CSMD1: variants seen among roughly 807,000 people sequenced by gnomAD.
CSMD1 encodes CUB and Sushi multiple domains 1.
A neutral mutation model predicts 417.5 loss-of-function variants in CSMD1; 213 were observed. The observed-to-expected ratio is 0.51, with a 90% CI of 0.46 to 0.57. CSMD1 has a LOEUF of 0.57. Ranked by LOEUF, CSMD1 falls within the 20% of genes least tolerant of loss-of-function variation. The pLI, the probability that CSMD1 is intolerant of heterozygous loss-of-function variation, is 0.00. For missense variants in CSMD1, 6,923 were observed against 4,529.7 expected (o/e 1.53, Z -15.17); for synonymous variants, 2,862 against 1,736.8 (o/e 1.65, Z -16.11).
chr8:4,145,185 C>A (rs1007209424), intron 3 of CSMD1, among the ~76,000 whole-genome samples: 1 of 151,022 alleles, frequency 6.6e-6, no homozygotes, highest in Non-Finnish European at 1.5e-5. Flanking sequence ...ATTACTAAAA[C>A]ACTAGTACGT....
intron 1 of CSMD1, among the ~76,000 whole-genome samples, chr8:4,663,113 G>T (rs1804704629): frequency 6.6e-6 from 1 of 152,156 alleles, no homozygotes; most frequent in African/African-American, 2.4e-5. Flanking sequence ...GATCACGTGG[G>T]CTTAGGACGC....
intron 3 of CSMD1, among the ~76,000 whole-genome samples, chr8:4,052,116 G>A (rs926576229): frequency 5.3e-5 from 8 of 151,898 alleles, no homozygotes; most frequent in South Asian, 2.1e-4. Flanking sequence ...ATAGAGACAG[G>A]GTTTCACCAT....
At chr8:3,898,466 G>T in intron 5 of CSMD1, among the ~76,000 whole-genome samples, 1 of 152,174 alleles carries the variant, frequency 6.6e-6, no homozygotes, top group East Asian at 1.9e-4. Context: ...TAATATTATG[G>T]ATGTCGCATC....
chr8:3,402,273 C>A (rs374631244), intron 15 of CSMD1, among the ~76,000 whole-genome samples: 1 of 151,554 alleles, frequency 6.6e-6, no homozygotes, highest in South Asian at 2.1e-4. Flanking sequence ...TTTTTCAATT[C>A]TTTTCTATGC....
At chr8:3,633,606 G>C (rs1310305932) in intron 7 of CSMD1, among the ~76,000 whole-genome samples, 4 of 152,092 alleles carry the variant, frequency 2.6e-5, no homozygotes, top group African/African-American at 4.8e-5. Flanking sequence ...AATTTGAAAG[G>C]ATAAATTAAT....
intron 11 of CSMD1, among the ~76,000 whole-genome samples, chr8:3,472,548 C>T (rs539916218): frequency 6.6e-6 from 1 of 152,152 alleles, no homozygotes; most frequent in East Asian, 1.9e-4. Context: ...TGTATGTGTG[C>T]ACAAGAAAGA....
chr8:4,215,203 C>T (rs531367765), intron 3 of CSMD1, among the ~76,000 whole-genome samples: 1 of 152,180 alleles, frequency 6.6e-6, no homozygotes, highest in Non-Finnish European at 1.5e-5. Context: ...AAAGGCTTAA[C>T]CAGCTGCGAC....
chr8:2,938,066 T>C lies in CSMD1; in HGVS notation c.*519A>G, dbSNP rs1043781034. On this transcript the variant is annotated 3_prime_UTR_variant, in exon 70 of 70. Coordinates refer to ENST00000635120, the MANE Select transcript of CSMD1 (RefSeq NM_033225.6). The stretch of plus-strand genomic sequence containing the variant: ...GTCTCGGAAGGACAGAGTGAAGCAT[T>C]TGTAGGTGTGAGCCTCTATCAGAAA... 4.6e-5 allele frequency: 7 copies of C among 152,650 alleles called. No homozygotes were observed. The highest frequency in any genetic ancestry group is 1.4e-4 in the African/African-American group (6 of 41,420). 9.5% of individuals were successfully genotyped at this position (152,650 alleles called of 1,614,324 possible).
intron 10 of CSMD1, among the ~76,000 whole-genome samples, chr8:3,556,820 C>G (rs888405450): frequency 2.0e-5 from 3 of 152,174 alleles, no homozygotes; most frequent in Non-Finnish European, 2.9e-5. Context: ...GTGGATGCCC[C>G]TCTCCCTTCA....
At chr8:3,798,992 C>A (rs1170039945) in intron 5 of CSMD1, among the ~76,000 whole-genome samples, 2 of 151,722 alleles carry the variant, frequency 1.3e-5, no homozygotes, top group African/African-American at 4.8e-5. Context: ...AATAAATATG[C>A]CATATAAATG....
chr8:3,213,548 T>C (rs1302274533), intron 30 of CSMD1, among the ~76,000 whole-genome samples: 1 of 152,092 alleles, frequency 6.6e-6, no homozygotes, highest in Non-Finnish European at 1.5e-5. Flanking sequence ...GATTCAACGA[T>C]TTTACTAATT....
chr8:3,268,641 A>C (rs1801614065), intron 26 of CSMD1, among the ~76,000 whole-genome samples: 1 of 152,080 alleles, frequency 6.6e-6, no homozygotes, highest in East Asian at 1.9e-4. Flanking sequence ...TGTTCTCATT[A>C]CTGAAACAAT....
intron 26 of CSMD1, among the ~76,000 whole-genome samples, chr8:3,253,226 G>T (rs1196153642): frequency 6.6e-6 from 1 of 151,820 alleles, no homozygotes; most frequent in Non-Finnish European, 1.5e-5. Context: ...CTGGTATGTT[G>T]TGTCTTTGCT....
At chr8:3,970,771 T>A (rs1813026633) in intron 5 of CSMD1, among the ~76,000 whole-genome samples, 1 of 152,102 alleles carries the variant, frequency 6.6e-6, no homozygotes, top group South Asian at 2.1e-4. Context: ...TTTTTGTTTT[T>A]GATGGAGTTT....
chr8:3,431,549 C>G (rs1004041782), intron 12 of CSMD1, among the ~76,000 whole-genome samples: 1 of 152,132 alleles, frequency 6.6e-6, no homozygotes, highest in Non-Finnish European at 1.5e-5. Flanking sequence ...CTCTTCCATC[C>G]CTTGTATGAG....
chr8:4,388,594 T>A (rs1264851473), intron 3 of CSMD1, among the ~76,000 whole-genome samples: 2 of 151,880 alleles, frequency 1.3e-5, no homozygotes, highest in Non-Finnish European at 2.9e-5. Context: ...GCAAATAGGG[T>A]ACAGTGTATA....
intron 3 of CSMD1, among the ~76,000 whole-genome samples, chr8:4,272,255 G>A (rs551669168): frequency 1.5e-4 from 23 of 152,168 alleles, no homozygotes; most frequent in Non-Finnish European, 2.4e-4. Context: ...TAGGTTCTTC[G>A]AATCTGGGAC....
rs552138685 is a variant in CSMD1, at chr8:3,307,513, A to G, written c.3950+182T>C. On this transcript the variant is annotated intron_variant, in intron 25 of 69. Transcript: ENST00000635120. ...GGCTTTACTATATAGAACTTAATTA[A>G]TGGTTTCAAGGCAACAGCAAAGTAA... Among the ~76,000 whole-genome samples the G allele has an allele frequency of 1.1e-3, 173 of 152,298 alleles. 1 individual carries two copies. Among genetic ancestry groups the G allele is most frequent in the African/African-American group, 3.5e-3 (145 of 41,574 alleles).
intron 28 of CSMD1, among the ~76,000 whole-genome samples, chr8:3,222,490 T>C (rs1339122828): frequency 6.6e-6 from 1 of 152,038 alleles, no homozygotes; most frequent in African/African-American, 2.4e-5. Flanking sequence ...TTAAAATTTT[T>C]TGTAGTGATG....
Sources: allele counts gnomAD v4.1 joint callset (sites outside exome capture counted in the v4.1 genomes callset), GRCh38; gene constraint gnomAD v4.1.1; transcripts MANE v1.5; gene names NCBI Gene and HGNC (gene_info 2026-07-23, HGNC 2026-07-21).